Variants in ZC3H12B observed in about 807,000 individuals in gnomAD.
ZC3H12B encodes the protein probable ribonuclease ZC3H12B.
ZC3H12B carries 7 observed loss-of-function variants against 43.9 expected under a neutral mutation model. That is an observed-to-expected ratio of 0.16 (90% CI 0.09 to 0.30). ZC3H12B has a LOEUF of 0.30. ZC3H12B is among the 10% of genes least tolerant of loss of function. The pLI is 1.00. For missense variants in ZC3H12B, 475 were observed against 670.2 expected, an observed-to-expected ratio of 0.71 and a Z score of 3.22; for synonymous variants, 222 against 241.7, an observed-to-expected ratio of 0.92 and a Z score of 0.76.
At chrX:65,196,769 TC>T in the ZC3H12B span, among the ~76,000 whole-genome samples, 1 of 111,344 alleles carries the variant, frequency 9.0e-6, no homozygotes, top group South Asian at 3.8e-4. Flanking sequence ...CACCTCCTCT[TC>T]CCTCAGCCCT....
the ZC3H12B span, among the ~76,000 whole-genome samples, chrX:65,058,584 C>A: frequency 1.1e-3 from 119 of 111,942 alleles, no homozygotes; most frequent in African/African-American, 3.8e-3. Context: ...GCTGGGAGAA[C>A]CACTACTGTC....
chrX:65,164,313 G>A, the ZC3H12B span, among the ~76,000 whole-genome samples: 3 of 111,281 alleles, frequency 2.7e-5, no homozygotes, highest in Non-Finnish European at 5.6e-5. Context: ...AGTTGAATCA[G>A]TTTTTTGGTG....
chrX:65,505,133 T>C (rs1017200266), exon 5 of ZC3H12B: 1 of 112,334 alleles, frequency 8.9e-6, no homozygotes, highest in African/African-American at 3.2e-5. Context: ...TTTGAATCCA[T>C]TGTATATTTC....
At chrX:65,319,300 T>A in the ZC3H12B span, among the ~76,000 whole-genome samples, 33 of 111,807 alleles carry the variant, frequency 3.0e-4, 1 homozygote, top group Admixed American at 2.8e-3. Context: ...ATAAACACCC[T>A]ATGCACACCA....
At chrX:65,097,974 G>A in the ZC3H12B span, among the ~76,000 whole-genome samples, 1 of 111,195 alleles carries the variant, frequency 9.0e-6, no homozygotes, top group Non-Finnish European at 1.9e-5. Context: ...TTTTAAATAT[G>A]ACTTCATTAA....
At chrX:65,321,812 G>A in the ZC3H12B span, among the ~76,000 whole-genome samples, 8 of 110,965 alleles carry the variant, frequency 7.2e-5, no homozygotes, top group African/African-American at 2.3e-4. Context: ...AATGTCACAT[G>A]TTCTCACTTT....
At chrX:65,375,028 G>T (rs944473684) in intron 2 of ZC3H12B, among the ~76,000 whole-genome samples, 1 of 111,307 alleles carries the variant, frequency 9.0e-6, no homozygotes, top group Admixed American at 9.6e-5. Context: ...CACTGAAGTG[G>T]GTAAGAAAGT....
intron 1 of ZC3H12B, among the ~76,000 whole-genome samples, chrX:65,493,264 G>A (rs970177189): frequency 4.5e-5 from 5 of 110,166 alleles, no homozygotes; most frequent in Admixed American, 9.7e-5. Flanking sequence ...AAAATTAGCC[G>A]GGTGTGGTGG....
chrX:65,086,548 G>A, the ZC3H12B span, among the ~76,000 whole-genome samples: 1 of 111,419 alleles, frequency 9.0e-6, no homozygotes, highest in African/African-American at 3.3e-5. Flanking sequence ...AGGAGTTGGG[G>A]CCTTTAGGAG....
At chrX:65,438,464 G>T (rs945324620) in intron 3 of ZC3H12B, among the ~76,000 whole-genome samples, 4 of 111,816 alleles carry the variant, frequency 3.6e-5, no homozygotes, top group Non-Finnish European at 7.5e-5. Flanking sequence ...GCCAAGACCA[G>T]CTCAGTCGGG....
At chrX:65,149,680 C>T in the ZC3H12B span, among the ~76,000 whole-genome samples, 1 of 107,407 alleles carries the variant, frequency 9.3e-6, no homozygotes, top group Non-Finnish European at 1.9e-5. Flanking sequence ...AGGAGAATGG[C>T]GTGAACCCTG....
At chrX:65,303,916 T>TA in the ZC3H12B span, among the ~76,000 whole-genome samples, 3 of 112,534 alleles carry the variant, frequency 2.7e-5, no homozygotes, top group Non-Finnish European at 5.6e-5. Context: ...GAGAGATCTG[T>TA]AATACTCTTG....
At chrX:65,088,972 A>G in the ZC3H12B span, among the ~76,000 whole-genome samples, 9,228 of 111,454 alleles carry the variant, frequency 0.083, 1,024 homozygotes, top group African/African-American at 0.29. Flanking sequence ...GAAATAATTA[A>G]ATTAGCTAAT....
the ZC3H12B span, among the ~76,000 whole-genome samples, chrX:65,055,015 A>G: frequency 6.3e-5 from 7 of 111,835 alleles, no homozygotes; most frequent in African/African-American, 1.3e-4. Flanking sequence ...TAGATAAACA[A>G]TCATGTCATC....
At chrX:65,461,476 G>T (rs1196874512) in intron 3 of ZC3H12B, among the ~76,000 whole-genome samples, 17 of 112,409 alleles carry the variant, frequency 1.5e-4, no homozygotes, top group Non-Finnish European at 1.9e-5. Flanking sequence ...TGATAGACGG[G>T]ATTAAGCAAA....
At chrX:65,242,192 G>A in the ZC3H12B span, among the ~76,000 whole-genome samples, 2 of 110,768 alleles carry the variant, frequency 1.8e-5, no homozygotes, top group African/African-American at 6.6e-5. Context: ...CATTCACCTA[G>A]TCACCAGGTC....
At chrX:65,039,160 G>T in the ZC3H12B span, among the ~76,000 whole-genome samples, 9 of 111,525 alleles carry the variant, frequency 8.1e-5, no homozygotes, top group African/African-American at 2.9e-4. Context: ...ATCCACAGGA[G>T]CTGTCTCATA....
At chrX:65,340,249 G>A in the ZC3H12B span, among the ~76,000 whole-genome samples, 3 of 112,131 alleles carry the variant, frequency 2.7e-5, no homozygotes, top group Non-Finnish European at 5.6e-5. Context: ...AGTTGCCAGT[G>A]GGGGCATCCT....
the ZC3H12B span, among the ~76,000 whole-genome samples, chrX:65,279,183 C>T: frequency 1.8e-5 from 2 of 110,700 alleles, no homozygotes; most frequent in African/African-American, 6.6e-5. Flanking sequence ...AATGGTACTT[C>T]TGCTTTTAGC....
Sources: allele counts gnomAD v4.1 joint callset (sites outside exome capture counted in the v4.1 genomes callset), GRCh38; gene constraint gnomAD v4.1.1; transcripts MANE v1.5; gene names NCBI Gene and HGNC (gene_info 2026-07-23, HGNC 2026-07-21).